The following MN1 variants were observed in gnomAD, a reference collection of about 807,000 sequenced individuals.
MN1 encodes MN1 proto-oncogene, transcriptional regulator.
A neutral mutation model predicts 86.9 loss-of-function variants in MN1; 19 were observed. The observed-to-expected ratio is 0.22, with a 90% CI of 0.15 to 0.32. MN1 has a LOEUF of 0.32. Ranked by LOEUF, MN1 falls within the 10% of genes least tolerant of loss-of-function variation. The pLI is 1.00. For missense variants in MN1, 1,841 were observed against 1,862.0 expected (o/e 0.99, Z 0.21); for synonymous variants, 928 against 849.6 (o/e 1.09, Z -1.60).
In MN1 at chr22:27,800,176, G is replaced by A. The variant is rs570112158; in HGVS notation, c.368C>T (p.Pro123Leu). 5.2e-6 allele frequency: 8 copies of A among 1,547,270 alleles called. No individual in the cohort carries two copies. The African/African-American group carries it at 6.9e-5, about 13-fold the overall frequency. ...HFGGNFGGPD[P>L]GASCLHGGRL... ...ACCCCCGTGCAGGCACGAGGCCCCG[G>A]GGTCCGGGCCACCGAAGTTGCCCCC... Residue 123 changes from proline (P) to leucine (L), a missense_variant, in exon 1 of 2, where the codon CCC (proline) becomes CTC (leucine). By Grantham distance (98) the Pro-to-Leu change is moderately conservative. Coordinates refer to ENST00000302326, the MANE Select transcript of MN1 (RefSeq NM_002430.3).
chr22:27,785,753 C>CA (rs11431057), intron 1 of MN1, among the ~76,000 whole-genome samples: 33,295 of 150,092 alleles, frequency 0.22, 4,127 homozygotes, highest in Non-Finnish European at 0.27. Flanking sequence ...TGTGCCCCCC[C>CA]CCCATGGCCC....
intron 1 of MN1, among the ~76,000 whole-genome samples, chr22:27,776,785 T>C (rs1191747621): frequency 6.6e-6 from 1 of 152,082 alleles, no homozygotes; most frequent in Admixed American, 6.5e-5. Context: ...ACAAAACGAC[T>C]GCAGGCCTGG....
At chr22:27,774,938 C>G (rs1164744274) in intron 1 of MN1, among the ~76,000 whole-genome samples, 1 of 152,212 alleles carries the variant, frequency 6.6e-6, no homozygotes, top group Non-Finnish European at 1.5e-5. Context: ...ATCCAGCTTG[C>G]ATAGCCCCTG....
At chr22:27,751,692 G>C (rs949026214) in intron 1 of MN1, among the ~76,000 whole-genome samples, 2 of 152,150 alleles carry the variant, frequency 1.3e-5, no homozygotes, top group Admixed American at 1.3e-4. Flanking sequence ...CTCAGAGAGG[G>C]AAGATGACTT....
At chr22:27,776,515 G>A (rs769551991) in intron 1 of MN1, among the ~76,000 whole-genome samples, 101 of 152,256 alleles carry the variant, frequency 6.6e-4, no homozygotes, top group Non-Finnish European at 9.8e-4. Flanking sequence ...TAAGAAGGGC[G>A]GAGGCTGGGG....
At chr22:27,763,952 A>G (rs866496277) in intron 1 of MN1, among the ~76,000 whole-genome samples, 2 of 152,310 alleles carry the variant, frequency 1.3e-5, no homozygotes, top group African/African-American at 4.8e-5. Flanking sequence ...CTTTGCAGGA[A>G]GAGGAGGCGA....
chr22:27,769,552 A>ATTTTTTTTTTTTTTTTTTTTTTT (rs58248602), intron 1 of MN1, among the ~76,000 whole-genome samples: 2 of 83,268 alleles, frequency 2.4e-5, no homozygotes, highest in African/African-American at 4.9e-5. Context: ...AAGGATGCCA[A>ATTTTTTTTTTTTTTTTTTTTTTT]TTTTTTTTTT....
chr22:27,793,810 A>C (rs1262088247), intron 1 of MN1, among the ~76,000 whole-genome samples: 1 of 152,252 alleles, frequency 6.6e-6, no homozygotes, highest in Non-Finnish European at 1.5e-5. Flanking sequence ...ACAGTTCTGA[A>C]GACTTATTCG....
Position 27,799,710 on chromosome 22 carries a change from T to C in MN1, c.834A>G (p.Arg278=). The change falls in exon 1 of 2, where the codon AGA becomes AGG. Residue 278 remains arginine (R), a synonymous_variant. Transcript: ENST00000302326. ...GAFPGASAMP[R]AAGMVGLSKM... Reference sequence around the variant, plus strand: ...TGGACAAGCCCACCATGCCCGCAGCTCTGGGCATGGCCGAGGCGCCCGGGA... The same window carrying C: ...TGGACAAGCCCACCATGCCCGCAGCCCTGGGCATGGCCGAGGCGCCCGGGA... 1 of 1,566,958 alleles carries C rather than the reference T, an allele frequency of 6.4e-7. No homozygotes were observed. The highest frequency in any genetic ancestry group is 8.6e-7 in the Non-Finnish European group (1 of 1,156,564).
intron 1 of MN1, among the ~76,000 whole-genome samples, chr22:27,760,088 A>G (rs1403279587): frequency 6.6e-6 from 1 of 152,160 alleles, no homozygotes; most frequent in African/African-American, 2.4e-5. Context: ...GGTGGCTCAC[A>G]CCTGTAATCC....
chr22:27,759,999 C>T lies in MN1; in HGVS notation c.3782-8903G>A, dbSNP rs8143048. Among the ~76,000 whole-genome samples the T allele has an allele frequency of 2.8e-3, 426 of 152,292 alleles. 3 individuals are homozygous for T. The highest frequency in any genetic ancestry group is 9.6e-3 in the African/African-American group (399 of 41,556). On this transcript the variant is annotated intron_variant, in intron 1 of 1. Transcript: ENST00000302326. ...TTGGGAGGTGCAGGTGGGAGGATTG[C>T]TTAAGGCCAGGAGTTCAAGACCAGC...
At position 27,748,720 on chromosome 22, in the gene MN1, C is replaced by G. The variant is rs569613787; in HGVS notation, c.*2195G>C. 1 of 218,622 alleles carries G rather than the reference C, an allele frequency of 4.6e-6. No individual in the cohort carries two copies. The highest frequency in any genetic ancestry group is 2.2e-5 in the African/African-American group (1 of 44,534). 13.5% of individuals were successfully genotyped at this position (218,622 alleles called of 1,614,324 possible). A position where few individuals can be genotyped will look rare whatever the true frequency, so the allele number is the denominator to read the frequency against. On this transcript the variant is annotated 3_prime_UTR_variant, in exon 2 of 2. Transcript: ENST00000302326. ...TGTTTCATTCTGGGGTCGTGGGGAG[C>G]GAGAAAGTTTTTAAAACTTCAGGGG...
At chr22:27,759,150 A>G (rs1419919596) in intron 1 of MN1, among the ~76,000 whole-genome samples, 2 of 152,072 alleles carry the variant, frequency 1.3e-5, no homozygotes, top group Non-Finnish European at 2.9e-5. Context: ...CTGCAGTGCT[A>G]AGACCTGTCT....
chr22:27,797,630 G>T lies in MN1; in HGVS notation c.2914C>A (p.Pro972Thr). Residue 972 changes from proline to threonine, a missense_variant, in exon 1 of 2, where the codon CCT (proline) becomes ACT (threonine). By Grantham distance (38) the Pro-to-Thr change is conservative (BLOSUM62 -1). Coordinates refer to ENST00000302326, the MANE Select transcript of MN1 (RefSeq NM_002430.3). ...TGCTGCTGCCCTGGGCTCACCCCAG[G>T]TGCGCCCCCGCTGTCCGGAGCCGCC... ...YSAAPDSGGAPGVSPGQQQAS... is the reference protein window; with the variant it reads ...YSAAPDSGGATGVSPGQQQAS... 1.3e-6 allele frequency: 2 copies of T among 1,594,494 alleles called. No homozygotes were observed. Among genetic ancestry groups the T allele is most frequent in the Non-Finnish European group, 1.7e-6 (2 of 1,170,582 alleles).
intron 1 of MN1, among the ~76,000 whole-genome samples, chr22:27,778,399 G>A (rs1039329001): frequency 1.3e-5 from 2 of 152,152 alleles, no homozygotes; most frequent in Non-Finnish European, 1.5e-5. Context: ...ATCTCTCACT[G>A]CCCACTGGAG....
chr22:27,769,924 C>T (rs1377982136), intron 1 of MN1, among the ~76,000 whole-genome samples: 2 of 152,048 alleles, frequency 1.3e-5, no homozygotes, highest in African/African-American at 2.4e-5. Context: ...TGGTACCTTC[C>T]TTTATTCTCA....
At chr22:27,758,289 G>A (rs945369195) in intron 1 of MN1, among the ~76,000 whole-genome samples, 4 of 152,084 alleles carry the variant, frequency 2.6e-5, no homozygotes, top group Admixed American at 1.3e-4. Flanking sequence ...TTGCTGCTGC[G>A]GTTTTTTCTG....
chr22:27,774,114 GA>G (rs45562533), intron 1 of MN1, among the ~76,000 whole-genome samples: 4 of 152,180 alleles, frequency 2.6e-5, no homozygotes, highest in Non-Finnish European at 5.9e-5. Context: ...ACTCTGCAGA[GA>G]AATGATCCCA....
At chr22:27,767,954 G>A (rs1932882868) in intron 1 of MN1, among the ~76,000 whole-genome samples, 1 of 152,080 alleles carries the variant, frequency 6.6e-6, no homozygotes, top group South Asian at 2.1e-4. Context: ...CTTTTTAAAG[G>A]ATGCAGAAAC....
Sources: allele counts gnomAD v4.1 joint callset (sites outside exome capture counted in the v4.1 genomes callset), GRCh38; gene constraint gnomAD v4.1.1; transcripts MANE v1.5; gene names NCBI Gene and HGNC (gene_info 2026-07-23, HGNC 2026-07-21).